Variants in CPEB3 observed in about 807,000 individuals in gnomAD.
CPEB3 encodes cytoplasmic polyadenylation element-binding protein 3.
In CPEB3, 20 loss-of-function variants were observed where a neutral mutation model predicts 67.2. The ratio of observed to expected loss-of-function variants is 0.30; its 90% CI spans 0.21 to 0.43. The LOEUF is 0.43. Among genes scored for constraint, CPEB3 ranks in the 20% least tolerant of loss-of-function variants. The probability of loss-of-function intolerance (pLI) is 1.00; values close to 1 mark genes in which losing one functional copy is unlikely to be tolerated. For missense variants in CPEB3, 746 were observed against 968.6 expected (o/e 0.77, Z 3.05); for synonymous variants, 376 against 393.1 (o/e 0.96, Z 0.51).
At chr10:92,253,555 A>G (rs1035846874) in intron 1 of CPEB3, among the ~76,000 whole-genome samples, 4 of 152,008 alleles carry the variant, frequency 2.6e-5, no homozygotes, top group African/African-American at 9.7e-5. Context: ...CATGTTATAC[A>G]GTACTTCCAT....
Position 92,142,496 on chromosome 10 carries a change from C to T in CPEB3, c.1453+533G>A, listed in dbSNP as rs56269225. On this transcript the variant is annotated intron_variant, in intron 6 of 9. Coordinates refer to ENST00000265997, the MANE Select transcript of CPEB3 (RefSeq NM_014912.5). ...CTCATAAATTATCAAATGAGCCTCC[C>T]CAAAAATCAGGGAAGCAAGGTCATA... 7.0e-3 allele frequency among the ~76,000 whole-genome samples: 1,065 copies of T among 152,238 alleles called. 10 individuals are homozygous for T. Among genetic ancestry groups the T allele is most frequent in the African/African-American group, 0.024 (1,007 of 41,548 alleles).
chr10:92,260,339 T>C (rs886397867), intron 1 of CPEB3, among the ~76,000 whole-genome samples: 3 of 151,360 alleles, frequency 2.0e-5, no homozygotes, highest in Non-Finnish European at 2.9e-5. Flanking sequence ...TCACCTGAGG[T>C]CAGGAGCTTG....
chr10:92,254,843 C>A (rs182670889), intron 1 of CPEB3, among the ~76,000 whole-genome samples: 3 of 151,904 alleles, frequency 2.0e-5, no homozygotes, highest in Non-Finnish European at 4.4e-5. Context: ...TTCCTTTTCC[C>A]TTTTCCTTAT....
intron 9 of CPEB3, among the ~76,000 whole-genome samples, chr10:92,080,738 T>A (rs1371974375): frequency 1.3e-5 from 2 of 151,902 alleles, no homozygotes; most frequent in Non-Finnish European, 2.9e-5. Flanking sequence ...GGACTACAGG[T>A]GTCTGCCACT....
At chr10:92,054,956 C>T (rs1287814957) in intron 9 of CPEB3, among the ~76,000 whole-genome samples, 1 of 152,130 alleles carries the variant, frequency 6.6e-6, no homozygotes, top group Non-Finnish European at 1.5e-5. Flanking sequence ...TGTCTACCTA[C>T]AGGGAAACAC....
chr10:92,262,438 C>G lies in CPEB3; in HGVS notation c.-11-22077G>C, dbSNP rs143113862. Among the ~76,000 whole-genome samples the G allele has an allele frequency of 1.3e-3, 199 of 152,250 alleles. 1 individual carries two copies. The highest frequency in any genetic ancestry group is 4.6e-3 in the African/African-American group (190 of 41,556). The stretch of plus-strand genomic sequence containing the variant: ...TTTGTACAACTCTAAGAGTTAAGTA[C>G]CTTCATTATCCCCATTTCACAGATG... On this transcript the variant is annotated intron_variant, in intron 1 of 9. Transcript: ENST00000265997.
At chr10:92,242,061 T>G (rs184159816) in intron 1 of CPEB3, among the ~76,000 whole-genome samples, 199 of 152,364 alleles carry the variant, frequency 1.3e-3, no homozygotes, top group Non-Finnish European at 2.1e-3. Context: ...TTAACTATTA[T>G]GCAAAATATA....
At chr10:92,104,415 T>C (rs1214100079) in intron 7 of CPEB3, among the ~76,000 whole-genome samples, 1 of 149,436 alleles carries the variant, frequency 6.7e-6, no homozygotes, top group Non-Finnish European at 1.5e-5. Context: ...CGGAGTCTTA[T>C]TCTGTCACCC....
chr10:92,258,625 A>AACTAATATATATATATAT (rs1554936345), intron 1 of CPEB3, among the ~76,000 whole-genome samples: 3 of 32,910 alleles, frequency 9.1e-5, no homozygotes, highest in Non-Finnish European at 1.4e-4. Context: ...ATATTTTTTG[A>AACTAATATATATATATAT]ATATATATAT....
intron 7 of CPEB3, among the ~76,000 whole-genome samples, chr10:92,097,571 A>G (rs949550088): frequency 6.6e-6 from 1 of 152,230 alleles, no homozygotes; most frequent in African/African-American, 2.4e-5. Context: ...AGGAATAAAG[A>G]CAAAAACCAA....
chr10:92,058,522 C>T (rs1462506020), intron 9 of CPEB3, among the ~76,000 whole-genome samples: 1 of 151,718 alleles, frequency 6.6e-6, no homozygotes, highest in African/African-American at 2.4e-5. Flanking sequence ...GCACTCTGGC[C>T]TGGGCGACAG....
intron 2 of CPEB3, among the ~76,000 whole-genome samples, chr10:92,214,181 C>G (rs1397203514): frequency 2.6e-5 from 4 of 152,108 alleles, no homozygotes; most frequent in Admixed American, 2.6e-4. Context: ...GTGATTAAGT[C>G]ATGAGGGCTC....
intron 9 of CPEB3, among the ~76,000 whole-genome samples, chr10:92,057,049 T>C (rs1382194247): frequency 1.3e-5 from 2 of 152,192 alleles, no homozygotes; most frequent in Admixed American, 6.5e-5. Flanking sequence ...TGAAGAGCCC[T>C]TGGGCCCTGA....
chr10:92,179,502 T>C (rs1378003065), intron 4 of CPEB3, among the ~76,000 whole-genome samples: 1 of 152,228 alleles, frequency 6.6e-6, no homozygotes, highest in Non-Finnish European at 1.5e-5. Flanking sequence ...ATAATCTAAC[T>C]GAAGTCTTTT....
At chr10:92,214,519 G>C (rs1850248878) in intron 2 of CPEB3, among the ~76,000 whole-genome samples, 1 of 151,844 alleles carries the variant, frequency 6.6e-6, no homozygotes, top group Admixed American at 6.6e-5. Flanking sequence ...GTCTCACTCT[G>C]TCCCGCAGGC....
intron 8 of CPEB3, among the ~76,000 whole-genome samples, chr10:92,084,967 G>T (rs1233019568): frequency 1.3e-5 from 2 of 152,088 alleles, no homozygotes; most frequent in Non-Finnish European, 1.5e-5. Context: ...GTTCATATTT[G>T]GTCTTTTGCT....
chr10:92,223,796 T>C (rs1307723886), intron 2 of CPEB3, among the ~76,000 whole-genome samples: 1 of 150,986 alleles, frequency 6.6e-6, no homozygotes, highest in African/African-American at 2.4e-5. Context: ...TCGCCCAGGC[T>C]GGAGTGCAAT....
chr10:92,176,603 T>C (rs1179014706), intron 4 of CPEB3, among the ~76,000 whole-genome samples: 1 of 152,264 alleles, frequency 6.6e-6, no homozygotes, highest in Non-Finnish European at 1.5e-5. Context: ...TCAAGCAACT[T>C]TCCGATATTT....
intron 2 of CPEB3, among the ~76,000 whole-genome samples, chr10:92,203,447 T>C (rs970315365): frequency 1.4e-5 from 2 of 147,590 alleles, no homozygotes; most frequent in African/African-American, 4.9e-5. Context: ...TATATGTATA[T>C]ATATACGTAT....
Sources: allele counts gnomAD v4.1 joint callset (sites outside exome capture counted in the v4.1 genomes callset), GRCh38; gene constraint gnomAD v4.1.1; transcripts MANE v1.5; gene names NCBI Gene and HGNC (gene_info 2026-07-23, HGNC 2026-07-21).